The following RBFOX1 variants were observed in gnomAD, a reference collection of about 807,000 sequenced individuals.
RBFOX1 encodes RNA binding fox-1 homolog 1.
A neutral mutation model predicts 57.7 loss-of-function variants in RBFOX1; 8 were observed. The observed-to-expected ratio is 0.14, with a 90% CI of 0.08 to 0.25. The LOEUF (loss-of-function observed/expected upper bound fraction) is 0.25. Among genes scored for constraint, RBFOX1 ranks in the 10% least tolerant of loss-of-function variants. The probability of loss-of-function intolerance (pLI) is 1.00; values close to 1 mark genes in which losing one functional copy is unlikely to be tolerated. For synonymous variants in RBFOX1, 326 were observed against 222.4 expected, an observed-to-expected ratio of 1.47 and a Z score of -4.15; for missense variants, 611 against 548.5, an observed-to-expected ratio of 1.11 and a Z score of -1.14.
At chr16:7,278,709 T>C (rs1004613670) in intron 4 of RBFOX1, among the ~76,000 whole-genome samples, 4 of 152,212 alleles carry the variant, frequency 2.6e-5, no homozygotes, top group Admixed American at 6.5e-5. Context: ...TGAAAACATA[T>C]TACAAATTGC....
intron 3 of RBFOX1, among the ~76,000 whole-genome samples, chr16:6,819,706 A>C (rs2090894989): frequency 2.1e-5 from 1 of 46,652 alleles, no homozygotes; most frequent in Admixed American, 2.2e-4. Context: ...ACTCTGACTC[A>C]AAAAAAAAAA....
chr16:5,978,018 T>C (rs1448560857), intron 4 of RBFOX1, among the ~76,000 whole-genome samples: 3 of 150,096 alleles, frequency 2.0e-5, no homozygotes, highest in Non-Finnish European at 4.4e-5. Flanking sequence ...CAGCTGTGGA[T>C]AGCACCGCGC....
intron 3 of RBFOX1, among the ~76,000 whole-genome samples, chr16:5,796,134 A>G (rs6500721): frequency 0.39 from 59,698 of 151,900 alleles, 12,240 homozygotes; most frequent in East Asian, 0.48. Context: ...GCTGTTTTGG[A>G]AGGTCATAAG....
intron 4 of RBFOX1, among the ~76,000 whole-genome samples, chr16:7,353,023 C>T (rs930253170): frequency 6.6e-6 from 1 of 152,130 alleles, no homozygotes; most frequent in African/African-American, 2.4e-5. Context: ...GCCCATACCA[C>T]TTTTCCATAT....
chr16:6,544,426 G>A (rs1478671452), intron 2 of RBFOX1, among the ~76,000 whole-genome samples: 1 of 152,174 alleles, frequency 6.6e-6, no homozygotes, highest in African/African-American at 2.4e-5. Flanking sequence ...TGGCTTCACT[G>A]GTCCAGCTTA....
chr16:7,171,655 T>C (rs942746764), intron 4 of RBFOX1, among the ~76,000 whole-genome samples: 7 of 152,174 alleles, frequency 4.6e-5, no homozygotes, highest in African/African-American at 1.7e-4. Flanking sequence ...TACTTCACCA[T>C]GCCAGAAGGG....
At chr16:6,333,642 GA>G (rs1338823356) in intron 2 of RBFOX1, among the ~76,000 whole-genome samples, 3 of 152,224 alleles carry the variant, frequency 2.0e-5, no homozygotes, top group Admixed American at 2.0e-4. Context: ...ATATATATCA[GA>G]AATGGATACA....
In RBFOX1 at chr16:5,984,974, ATATTTT is replaced by A. The variant is rs1180061532; in HGVS notation, c.351+117641_351+117646del. The stretch of plus-strand genomic sequence containing the variant: ...TATATATATATATATATATATATAT[ATATTTT>A]TTTTTTTTTTTTTTTTCTTTGAGAC... On this transcript the variant is annotated intron_variant, in intron 4 of 19. Transcript: ENST00000641259. Among the ~76,000 whole-genome samples the A allele has an allele frequency of 2.9e-3, 161 of 56,220 alleles. 1 individual carries two copies. Among genetic ancestry groups the A allele is most frequent in the African/African-American group, 0.013 (151 of 11,688 alleles). 36.9% of individuals were successfully genotyped at this position (56,220 alleles called of 152,430 possible). A position where few individuals can be genotyped will look rare whatever the true frequency, so the allele number is the denominator to read the frequency against.
chr16:5,919,779 C>T (rs545949875), intron 4 of RBFOX1, among the ~76,000 whole-genome samples: 1 of 152,266 alleles, frequency 6.6e-6, no homozygotes, highest in South Asian at 2.1e-4. Flanking sequence ...CTCTGCATTC[C>T]CCTTCTCCAC....
At chr16:6,503,660 G>C (rs763139290) in intron 2 of RBFOX1, among the ~76,000 whole-genome samples, 14 of 152,166 alleles carry the variant, frequency 9.2e-5, no homozygotes, top group Non-Finnish European at 1.3e-4. Context: ...CCCCAGTGCA[G>C]CAGTGTAGCA....
intron 4 of RBFOX1, among the ~76,000 whole-genome samples, chr16:5,951,411 G>A (rs2152276743): frequency 6.6e-6 from 1 of 152,264 alleles, no homozygotes. Flanking sequence ...TGGCACCACT[G>A]CATTCCAGCC....
chr16:7,635,641 A>C (rs1395012124), intron 11 of RBFOX1, among the ~76,000 whole-genome samples: 2 of 146,208 alleles, frequency 1.4e-5, no homozygotes, highest in Non-Finnish European at 3.0e-5. Context: ...CATGGACATT[A>C]CATATATCAA....
intron 2 of RBFOX1, among the ~76,000 whole-genome samples, chr16:5,566,986 A>G (rs974501468): frequency 1.3e-5 from 2 of 152,188 alleles, no homozygotes; most frequent in African/African-American, 4.8e-5. Flanking sequence ...TGGGAGTCCA[A>G]ATACCCTAAC....
intron 4 of RBFOX1, among the ~76,000 whole-genome samples, chr16:7,169,270 A>G (rs1353674822): frequency 6.6e-6 from 1 of 152,214 alleles, no homozygotes; most frequent in Non-Finnish European, 1.5e-5. Flanking sequence ...ATGTAATGCT[A>G]AGAATTTTGA....
At chr16:6,722,401 T>C (rs1026013215) in intron 3 of RBFOX1, among the ~76,000 whole-genome samples, 1 of 152,218 alleles carries the variant, frequency 6.6e-6, no homozygotes, top group African/African-American at 2.4e-5. Flanking sequence ...GGTCATGTCC[T>C]TAGGAAGTAT....
intron 4 of RBFOX1, among the ~76,000 whole-genome samples, chr16:5,959,056 G>T (rs1283799309): frequency 2.0e-5 from 3 of 152,164 alleles, no homozygotes; most frequent in Non-Finnish European, 4.4e-5. Flanking sequence ...GACCACACCA[G>T]GTAAAACTTG....
At chr16:7,658,018 G>C (rs1447280520) in intron 12 of RBFOX1, among the ~76,000 whole-genome samples, 1 of 152,182 alleles carries the variant, frequency 6.6e-6, no homozygotes, top group African/African-American at 2.4e-5. Context: ...GACACAGTTT[G>C]CTTAAGCGAG....
intron 2 of RBFOX1, among the ~76,000 whole-genome samples, chr16:6,510,559 C>G (rs992044311): frequency 6.6e-6 from 1 of 152,160 alleles, no homozygotes; most frequent in African/African-American, 2.4e-5. Flanking sequence ...CAATTGGAGT[C>G]TGTTGGATTC....
intron 1 of RBFOX1, among the ~76,000 whole-genome samples, chr16:6,281,091 T>A (rs1386289006): frequency 6.6e-6 from 1 of 151,488 alleles, no homozygotes; most frequent in East Asian, 1.9e-4. Flanking sequence ...CTCCTAGACA[T>A]CTATGTCCAG....
Sources: gnomAD v4.1 joint callset for allele counts (sites outside exome capture counted in the v4.1 genomes callset) on GRCh38, gnomAD v4.1.1 for gene constraint, MANE v1.5 for transcripts, NCBI Gene and HGNC (gene_info 2026-07-23, HGNC 2026-07-21) for gene names.